PAMR1: variants seen among roughly 807,000 people sequenced by gnomAD.
PAMR1 encodes inactive serine protease PAMR1.
PAMR1 carries 88 observed loss-of-function variants against 81.8 expected under a neutral mutation model. The observed-to-expected ratio is 1.08, with a 90% confidence interval of 0.91 to 1.28. PAMR1 has a LOEUF of 1.28. PAMR1 is among the 50% of genes most tolerant of loss of function. The pLI is 0.00. For missense variants in PAMR1, 935 were observed against 919.7 expected, an observed-to-expected ratio of 1.02 and a Z score of -0.21; for synonymous variants, 336 against 345.3, an observed-to-expected ratio of 0.97 and a Z score of 0.30.
At chr11:35,505,739 A>G (rs2135412855) in intron 1 of PAMR1, among the ~76,000 whole-genome samples, 1 of 152,158 alleles carries the variant, frequency 6.6e-6, no homozygotes, top group South Asian at 2.1e-4. Context: ...TTCAGTCTGT[A>G]TCTGTATAAG....
rs148541461 is a variant in PAMR1, at chr11:35,432,700, C to T, written c.1819G>A (p.Val607Met). 3.7e-5 allele frequency: 59 copies of T among 1,613,608 alleles called. No individual in the cohort carries two copies. Among genetic ancestry groups the T allele is most frequent in the African/African-American group, 3.6e-4 (27 of 74,930 alleles). The change falls in exon 11 of 11, where the codon GTG becomes ATG. Residue 607 changes from valine to methionine, a missense_variant. Coordinates refer to ENST00000619888, the MANE Select transcript of PAMR1 (RefSeq NM_001001991.3). ...TVAGWNVLADVRSPGFKNDTL... is the reference protein window; with the variant it reads ...TVAGWNVLADMRSPGFKNDTL... ...TCGTTCTTGAAGCCAGGGCTCCTCACGTCTGCCAGGACATTCCAGCCAGCC... is the reference window on the plus strand; with the variant it reads ...TCGTTCTTGAAGCCAGGGCTCCTCATGTCTGCCAGGACATTCCAGCCAGCC...
intron 5 of PAMR1, among the ~76,000 whole-genome samples, chr11:35,469,975 T>A (rs1856821522): frequency 6.6e-6 from 1 of 152,196 alleles, no homozygotes; most frequent in East Asian, 1.9e-4. Context: ...GGCTTAAAGT[T>A]ACTCATCAAG....
chr11:35,491,680 C>G (rs1488463454), intron 3 of PAMR1, among the ~76,000 whole-genome samples: 1 of 152,170 alleles, frequency 6.6e-6, no homozygotes. Context: ...AAGAAATTTA[C>G]CAACAGAAAT....
chr11:35,525,522 A>T lies in PAMR1; in HGVS notation c.64T>A (p.Leu22Met). 6.2e-7 allele frequency: 1 copy of T among 1,613,934 alleles called. No homozygotes were observed. The highest frequency in any genetic ancestry group is 8.5e-7 in the Non-Finnish European group (1 of 1,179,850). ...TFLQLLLISS[L>M]PREYTVINEA... ...ACGCTACTCACAGTACCTCTTGGCA[A>T]GGACGAGATGAGAAGGAGCTGAAGA... Residue 22 changes from leucine to methionine, a missense_variant, in exon 1 of 11, where the codon TTG becomes ATG. Physicochemically the swap from Leu to Met is conservative, Grantham distance 15 (BLOSUM62 2). Coordinates refer to ENST00000619888, the MANE Select transcript of PAMR1 (RefSeq NM_001001991.3).
At chr11:35,529,586 AAGTCT>A (rs142255195), upstream of PAMR1, among the ~76,000 whole-genome samples, 1,068 of 152,296 alleles carry the variant, frequency 7.0e-3, 9 homozygotes, top group African/African-American at 0.025. Flanking sequence ...CTCATCTGTT[AAGTCT>A]GAAGAATAGT....
chr11:35,441,763 C>T, intron 6 of PAMR1, 70 bp from the exon 7 acceptor site: 1 of 1,053,038 alleles, frequency 9.5e-7, no homozygotes, highest in Non-Finnish European at 1.4e-6. Flanking sequence ...TAGAATCTTT[C>T]ATGTTTCATT....
intron 1 of PAMR1, among the ~76,000 whole-genome samples, chr11:35,516,349 A>G (rs1414557883): frequency 6.6e-6 from 1 of 152,246 alleles, no homozygotes; most frequent in Non-Finnish European, 1.5e-5. Context: ...TGCTGTGTGC[A>G]TGCACATGTA....
At chr11:35,436,235 C>T (rs1856041163) in intron 8 of PAMR1, 100 bp from the exon 9 acceptor site, 1 of 736,178 alleles carries the variant, frequency 1.4e-6, no homozygotes. Flanking sequence ...TATTTGTTTA[C>T]AGAAACAGAA....
At chr11:35,493,628 T>C (rs951818224) in intron 2 of PAMR1, among the ~76,000 whole-genome samples, 7 of 152,152 alleles carry the variant, frequency 4.6e-5, no homozygotes, top group African/African-American at 1.4e-4. Flanking sequence ...ATCAGCATGC[T>C]CACCACCTTC....
At chr11:35,472,889 T>C (rs1046144615) in intron 4 of PAMR1, among the ~76,000 whole-genome samples, 12 of 152,138 alleles carry the variant, frequency 7.9e-5, no homozygotes, top group Non-Finnish European at 1.6e-4. Context: ...TCCAAGTCTA[T>C]AGGAAGCCTC....
In PAMR1 at chr11:35,468,096, G is replaced by T; in HGVS notation, c.725C>A (p.Ser242Tyr). Residue 242 changes from serine to tyrosine, a missense_variant, in exon 6 of 11, where the codon TCC (serine) becomes TAC (tyrosine). Ser to Tyr is a moderately radical substitution (Grantham distance 144). Coordinates refer to ENST00000619888, the MANE Select transcript of PAMR1 (RefSeq NM_001001991.3). ...GCACGTGCCGTCATGGAAACAAGGG[G>T]ATGAGGAGCATGCTGTAAGAGAAAA... ...IYEEITACSS[S>Y]PCFHDGTCVL... 2 of 1,551,980 alleles carry T rather than the reference G, an allele frequency of 1.3e-6. No individual in the cohort carries two copies. Among genetic ancestry groups the T allele is most frequent in the Non-Finnish European group, 8.7e-7 (1 of 1,146,458 alleles).
intron 3 of PAMR1, among the ~76,000 whole-genome samples, chr11:35,486,577 T>G (rs1262166929): frequency 6.6e-6 from 1 of 152,162 alleles, no homozygotes; most frequent in Non-Finnish European, 1.5e-5. Flanking sequence ...CTGCTGTCCT[T>G]GAGAAAGCCT....
intron 6 of PAMR1, among the ~76,000 whole-genome samples, chr11:35,461,610 T>TA (rs397849497): frequency 3.1e-4 from 46 of 146,976 alleles, no homozygotes; most frequent in South Asian, 4.3e-4. Context: ...TCCCCAAAAT[T>TA]AAAAAAAAAA....
intron 3 of PAMR1, among the ~76,000 whole-genome samples, chr11:35,491,780 A>C (rs1850630453): frequency 6.6e-6 from 1 of 152,246 alleles, no homozygotes; most frequent in Non-Finnish European, 1.5e-5. Flanking sequence ...TCTGGAATGC[A>C]TAAAGCAGAA....
At chr11:35,494,415 G>A (rs1166230358) in intron 1 of PAMR1, 143 bp from the exon 2 acceptor site, 2 of 658,546 alleles carry the variant, frequency 3.0e-6, no homozygotes, top group Admixed American at 2.5e-5. Flanking sequence ...CTCACTGTAA[G>A]CTCTGCCTCC....
intron 1 of PAMR1, among the ~76,000 whole-genome samples, chr11:35,503,213 A>C (rs1411063785): frequency 6.6e-5 from 10 of 151,080 alleles, no homozygotes; most frequent in African/African-American, 2.2e-4. Flanking sequence ...ACTATTATGT[A>C]AGTACCAGGC....
intron 3 of PAMR1, among the ~76,000 whole-genome samples, chr11:35,489,939 G>T (rs1204483472): frequency 6.6e-6 from 1 of 152,162 alleles, no homozygotes; most frequent in Non-Finnish European, 1.5e-5. Context: ...TACCTACAAG[G>T]CTGTATTAAT....
At chr11:35,490,538 G>A (rs936192629) in intron 3 of PAMR1, among the ~76,000 whole-genome samples, 3 of 152,306 alleles carry the variant, frequency 2.0e-5, no homozygotes, top group South Asian at 2.1e-4. Flanking sequence ...TGCAGTCCCC[G>A]TCACTTGAGA....
At chr11:35,509,786 C>T (rs2135417250) in intron 1 of PAMR1, among the ~76,000 whole-genome samples, 1 of 152,166 alleles carries the variant, frequency 6.6e-6, no homozygotes, top group South Asian at 2.1e-4. Context: ...GGGAGAGGGG[C>T]AGTGAACAAG....
Sources: allele counts gnomAD v4.1 joint callset (sites outside exome capture counted in the v4.1 genomes callset), GRCh38; gene constraint gnomAD v4.1.1; transcripts MANE v1.5; gene names NCBI Gene and HGNC (gene_info 2026-07-23, HGNC 2026-07-21).